The following FAM234A variants were observed in gnomAD, a reference collection of about 807,000 sequenced individuals.
The protein encoded by FAM234A is family with sequence similarity 234 member A.
Under a neutral mutation model 49.1 loss-of-function variants are expected in FAM234A, and 42 were observed. The observed-to-expected ratio is 0.86, with a 90% CI of 0.67 to 1.11. The LOEUF is 1.11. FAM234A is among the 50% of genes least tolerant of loss of function. The probability of loss-of-function intolerance (pLI) is 0.00; values close to 1 mark genes in which losing one functional copy is unlikely to be tolerated. For missense variants in FAM234A, 815 were observed against 745.2 expected, an observed-to-expected ratio of 1.09 and a Z score of -1.09; for synonymous variants, 369 against 316.2, an observed-to-expected ratio of 1.17 and a Z score of -1.77.
Position 259,966 on chromosome 16 carries a change from C to T in FAM234A, c.386-3C>T, listed in dbSNP as rs752558435. 3.1e-6 allele frequency: 5 copies of T among 1,612,264 alleles called. No individual in the cohort carries two copies. The highest frequency in any genetic ancestry group is 4.5e-5 in the East Asian group (2 of 44,872). Reference sequence around the variant, plus strand: ...AGTGAGGTGCCGGTGTCTCTCCCTACAGGCTTTTCCTCTCCCTGCACCTTT... The same window carrying T: ...AGTGAGGTGCCGGTGTCTCTCCCTATAGGCTTTTCCTCTCCCTGCACCTTT... On this transcript the variant is annotated splice_polypyrimidine_tract_variant and splice_region_variant and intron_variant, in intron 4 of 12. Coordinates refer to ENST00000399932, the MANE Select transcript of FAM234A (RefSeq NM_032039.4).
At chr16:259,364 C>T (rs1267050629) in intron 3 of FAM234A, 119 bp from the exon 4 acceptor site, 2 of 669,652 alleles carry the variant, frequency 3.0e-6, no homozygotes, top group South Asian at 1.9e-5. Flanking sequence ...CCACCGTCCT[C>T]GTTGGGTGCC....
chr16:235,554 A>G lies in FAM234A; in HGVS notation c.-140+697A>G, dbSNP rs1472521672. Among the ~76,000 whole-genome samples, 3 of 152,186 alleles carry G rather than the reference A, an allele frequency of 2.0e-5. No homozygotes were observed. The South Asian group carries it at 6.2e-4, about 32-fold the overall frequency. ...GACTGATAGGATATCAGGGTAGGCA[A>G]TTTCACTTACTCTCTGGTTCTAAAC... On this transcript the variant is annotated intron_variant, in intron 1 of 12. Coordinates refer to ENST00000399932, the MANE Select transcript of FAM234A (RefSeq NM_032039.4).
intron 1 of FAM234A, among the ~76,000 whole-genome samples, chr16:238,178 C>A (rs926252265): frequency 6.6e-6 from 1 of 152,056 alleles, no homozygotes; most frequent in Admixed American, 6.6e-5. Context: ...ATCACCATGC[C>A]GGGCTAATTT....
At chr16:261,094 AG>A in intron 5 of FAM234A, 1 of 319,482 alleles carries the variant, frequency 3.1e-6, no homozygotes, top group South Asian at 3.5e-5. Context: ...GAGAAAAGGA[AG>A]GGGGAACTCT....
At chr16:256,837 G>A (rs1481057519) in intron 3 of FAM234A, among the ~76,000 whole-genome samples, 1 of 151,282 alleles carries the variant, frequency 6.6e-6, no homozygotes, top group Non-Finnish European at 1.5e-5. Flanking sequence ...CCACCTCCCA[G>A]ATTCAAGTGA....
chr16:252,186 T>G (rs28767310), intron 2 of FAM234A, among the ~76,000 whole-genome samples: 4 of 61,406 alleles, frequency 6.5e-5, no homozygotes, highest in African/African-American at 3.5e-4. Flanking sequence ...CTGTTTTTTG[T>G]TTTTTTTTTT....
At chr16:263,537 G>A (rs1379475764) in intron 9 of FAM234A, 135 bp downstream of exon 9, 27 of 1,364,898 alleles carry the variant, frequency 2.0e-5, no homozygotes, top group Non-Finnish European at 2.6e-5. Context: ...CTTCTTGCCT[G>A]TCTCTGGTAC....
In FAM234A at chr16:259,561, A is replaced by G; in HGVS notation, c.347A>G (p.Asn116Ser). ...GTTCTTTTTCTTTATAAAAACACCAACAGCAGCAACAATTTCAGCCGATCC... is the reference window on the plus strand; with the variant it reads ...GTTCTTTTTCTTTATAAAAACACCAGCAGCAGCAACAATTTCAGCCGATCC... ...QDVLFLYKNT[N>S]SSNNFSRSCV... The change falls in exon 4 of 13, where the codon AAC becomes AGC. Residue 116 changes from asparagine to serine, a missense_variant. Asn to Ser is a conservative substitution (Grantham distance 46). Coordinates refer to ENST00000399932, the MANE Select transcript of FAM234A (RefSeq NM_032039.4). The G allele has an allele frequency of 1.2e-6, 2 of 1,612,076 alleles. No homozygotes were observed. The highest frequency in any genetic ancestry group is 1.7e-6 in the Non-Finnish European group (2 of 1,178,076).
intron 1 of FAM234A, among the ~76,000 whole-genome samples, chr16:238,445 G>T (rs2050478229): frequency 6.6e-6 from 1 of 152,084 alleles, no homozygotes; most frequent in Non-Finnish European, 1.5e-5. Flanking sequence ...CTAGGGCCAG[G>T]CCTAATTTAT....
intron 6 of FAM234A, 57 bp from the exon 7 acceptor site, chr16:262,036 T>TAAG: frequency 7.0e-7 from 1 of 1,421,708 alleles, no homozygotes. Flanking sequence ...GGGCCTTGTG[T>TAAG]CCTTGCAGCC....
At chr16:250,448 G>A (rs1287620152) in intron 2 of FAM234A, among the ~76,000 whole-genome samples, 2 of 151,914 alleles carry the variant, frequency 1.3e-5, no homozygotes, top group East Asian at 3.9e-4. Context: ...CAGCTGCTTG[G>A]GTTTAATGAG....
At position 264,935 on chromosome 16, in the gene FAM234A, G is replaced by A; in HGVS notation, c.1572G>A (p.Arg524=). 1 of 1,613,048 alleles carries A rather than the reference G, an allele frequency of 6.2e-7. No homozygotes were observed. The highest frequency in any genetic ancestry group is 8.5e-7 in the Non-Finnish European group (1 of 1,179,852). Residue 524 remains arginine (R), a synonymous_variant, in exon 13 of 13, where the codon AGG becomes AGA. Coordinates refer to ENST00000399932, the MANE Select transcript of FAM234A (RefSeq NM_032039.4). ...TGCGGGACCTTGTCCCAAGCAGCAG[G>A]GTGGTCCGCCTGGGTGAGGGTGGGC... ...HKVRDLVPSS[R]VVRLGEGGPD...
At chr16:259,750 G>T in intron 4 of FAM234A, 151 bp downstream of exon 4, 2 of 735,454 alleles carry the variant, frequency 2.7e-6, no homozygotes, top group Non-Finnish European at 2.3e-6. Flanking sequence ...CCAGAAAGAG[G>T]CCTGGAAGCC....
chr16:262,331 C>T (rs2141352293), intron 7 of FAM234A, 93 bp from the exon 8 acceptor site: 3 of 1,565,092 alleles, frequency 1.9e-6, no homozygotes, highest in Non-Finnish European at 2.6e-6. Flanking sequence ...AGTCAGGAAG[C>T]CCAGGGGCCT....
downstream of FAM234A, chr16:269,107 A>G: frequency 1.1e-6 from 1 of 901,160 alleles, no homozygotes; most frequent in East Asian, 2.6e-5. Context: ...TGCTGGAGGG[A>G]GGGAGGCTGT....
chr16:250,050 G>A (rs963373312), intron 2 of FAM234A, among the ~76,000 whole-genome samples: 20 of 152,102 alleles, frequency 1.3e-4, no homozygotes, highest in Non-Finnish European at 1.6e-4. Context: ...GGTTCACGCC[G>A]TTCTCCTGCC....
intron 3 of FAM234A, among the ~76,000 whole-genome samples, chr16:258,720 A>C (rs552982446): frequency 6.6e-6 from 1 of 152,078 alleles, no homozygotes; most frequent in South Asian, 2.1e-4. Flanking sequence ...CTCACTTCCC[A>C]GTAGGGGTGG....
Position 254,429 on chromosome 16 carries a change from G to C in FAM234A, c.16G>C (p.Asp6His), listed in dbSNP as rs1438789382. The C allele has an allele frequency of 6.2e-7, 1 of 1,613,958 alleles. No individual in the cohort carries two copies. The highest frequency in any genetic ancestry group is 2.2e-5 in the East Asian group (1 of 44,888). ...TGTGCCCGTGATGTTGGACCACAAG[G>C]ACTTAGAGGCCGAAATCCACCCCTT... MLDHK[D>H]LEAEIHPLKN... Residue 6 changes from aspartate (D) to histidine (H), a missense_variant, in exon 3 of 13, where the codon GAC becomes CAC. By Grantham distance (81) the Asp-to-His change is moderately conservative (BLOSUM62 -1). Transcript: ENST00000399932.
chr16:267,952 C>G (rs1298944243), downstream of FAM234A, among the ~76,000 whole-genome samples: 3 of 151,098 alleles, frequency 2.0e-5, no homozygotes, highest in Non-Finnish European at 4.4e-5. Flanking sequence ...ATCACACATG[C>G]TATGCGTACA....
Sources: gnomAD v4.1 joint callset for allele counts (sites outside exome capture counted in the v4.1 genomes callset) on GRCh38, gnomAD v4.1.1 for gene constraint, MANE v1.5 for transcripts, NCBI Gene and HGNC (gene_info 2026-07-23, HGNC 2026-07-21) for gene names.